ZNF343: variants seen among roughly 807,000 people sequenced by gnomAD.
The protein encoded by ZNF343 is zinc finger protein 343.
In ZNF343, 11 loss-of-function variants were observed where a neutral mutation model predicts 13.8. The ratio of observed to expected loss-of-function variants is 0.80; its 90% CI spans 0.50 to 1.32. The LOEUF is 1.32. Among genes scored for constraint, ZNF343 ranks in the 40% most tolerant of loss-of-function variants. The pLI is 0.00. For missense variants in ZNF343, 658 were observed against 714.2 expected, an observed-to-expected ratio of 0.92 and a Z score of 0.90; for synonymous variants, 248 against 260.0, an observed-to-expected ratio of 0.95 and a Z score of 0.44.
intron 5 of ZNF343, among the ~76,000 whole-genome samples, chr20:2,486,290 C>T (rs1186552120): frequency 6.6e-6 from 1 of 152,170 alleles, no homozygotes; most frequent in African/African-American, 2.4e-5. Context: ...ATTCTAATCC[C>T]TACGCCTTAC....
intron 5 of ZNF343, among the ~76,000 whole-genome samples, chr20:2,485,069 C>A (rs550804409): frequency 2.0e-5 from 3 of 152,078 alleles, no homozygotes; most frequent in Non-Finnish European, 4.4e-5. Context: ...CATAAAAAGT[C>A]CCTCATTCTG....
intron 5 of ZNF343, among the ~76,000 whole-genome samples, chr20:2,488,972 G>A (rs534675979): frequency 4.2e-4 from 64 of 152,280 alleles, no homozygotes; most frequent in Middle Eastern, 3.4e-3. Context: ...CTGAGCCCAG[G>A]AAGTCGAGGC....
chr20:2,522,759 G>C (rs1267765977), intron 1 of ZNF343, among the ~76,000 whole-genome samples: 2 of 152,200 alleles, frequency 1.3e-5, no homozygotes, highest in Non-Finnish European at 2.9e-5. Flanking sequence ...GACCAGCCTG[G>C]GCAACATGGC....
chr20:2,504,412 G>A (rs936201879), intron 1 of ZNF343, among the ~76,000 whole-genome samples: 1 of 152,078 alleles, frequency 6.6e-6, no homozygotes, highest in East Asian at 1.9e-4. Flanking sequence ...ACTATTCCAA[G>A]CAATAGAAAA....
chr20:2,509,868 A>G (rs577980207), upstream of ZNF343, among the ~76,000 whole-genome samples: 1 of 152,174 alleles, frequency 6.6e-6, no homozygotes, highest in Non-Finnish European at 1.5e-5. Flanking sequence ...ACGCCCTTGG[A>G]GTATTTCCAT....
intron 5 of ZNF343, among the ~76,000 whole-genome samples, chr20:2,492,312 T>G (rs1474107244): frequency 1.3e-5 from 2 of 152,146 alleles, no homozygotes; most frequent in African/African-American, 2.4e-5. Flanking sequence ...TGAAATGCTC[T>G]TACACTAGAT....
chr20:2,506,114 C>A (rs2085651374), intron 1 of ZNF343, among the ~76,000 whole-genome samples: 1 of 152,186 alleles, frequency 6.6e-6, no homozygotes, highest in South Asian at 2.1e-4. Context: ...AACAAACAAC[C>A]CCATCAGCAA....
intron 1 of ZNF343, among the ~76,000 whole-genome samples, chr20:2,522,806 C>T (rs540040475): frequency 1.7e-4 from 26 of 152,156 alleles, no homozygotes; most frequent in Non-Finnish European, 1.6e-4. Context: ...AAAAAATTAG[C>T]CAGGTGTAGT....
chr20:2,523,611 C>T (rs2085791793), intron 1 of ZNF343, among the ~76,000 whole-genome samples: 1 of 151,622 alleles, frequency 6.6e-6, no homozygotes. Context: ...GTTTGAGGAG[C>T]CAGAAGTTGA....
At chr20:2,486,215 C>A (rs912104858) in intron 5 of ZNF343, among the ~76,000 whole-genome samples, 7 of 152,136 alleles carry the variant, frequency 4.6e-5, no homozygotes, top group Non-Finnish European at 7.3e-5. Context: ...TTGTGTCAAA[C>A]ACTGGAACCA....
intron 2 of ZNF343, among the ~76,000 whole-genome samples, chr20:2,495,142 C>G (rs1275861760): frequency 6.6e-6 from 1 of 152,210 alleles, no homozygotes; most frequent in African/African-American, 2.4e-5. Flanking sequence ...TAATTCATCC[C>G]TCAACACCAT....
intron 2 of ZNF343, among the ~76,000 whole-genome samples, chr20:2,499,241 G>A (rs141607751): frequency 0.013 from 1,966 of 146,190 alleles, 12 homozygotes; most frequent in Non-Finnish European, 0.021. Context: ...CGAGGTGGGC[G>A]GATCACGAGG....
At chr20:2,501,626 C>T (rs927994765) in intron 1 of ZNF343, among the ~76,000 whole-genome samples, 5 of 152,202 alleles carry the variant, frequency 3.3e-5, no homozygotes, top group South Asian at 2.1e-4. Flanking sequence ...TCCAGAGGAA[C>T]GATCAGGCAG....
In ZNF343 at chr20:2,483,603, A is replaced by G; in HGVS notation, c.1358T>C (p.Ile453Thr). The change falls in exon 6 of 6, where the codon ATC becomes ACC. Residue 453 changes from isoleucine to threonine, a missense_variant. Ile to Thr is a moderately conservative substitution (Grantham distance 89). Transcript: ENST00000278772. The stretch of plus-strand genomic sequence containing the variant: ...TCCAGAGTGCGTCCGCTCGTGTATG[A>G]TGAGGGTTGACTTGTCACAAAAGCC... ...GRGFCDKSTL[I>T]IHERTHSGEK... 1 of 1,613,374 alleles carries G rather than the reference A, an allele frequency of 6.2e-7. No homozygotes were observed. Among genetic ancestry groups the G allele is most frequent in the Non-Finnish European group, 8.5e-7 (1 of 1,179,774 alleles).
Position 2,508,364 on chromosome 20 carries a change from G to A in ZNF343, c.-237+517C>T, listed in dbSNP as rs942297931. ...CCCCTAACCACCCCGGTCACCACTC[G>A]GGACATATCCAGCCCCACCCAAAAA... On this transcript the variant is annotated intron_variant, in intron 1 of 5. Coordinates refer to ENST00000278772, the MANE Select transcript of ZNF343 (RefSeq NM_024325.6). The surrounding 1 kb of genome is among the most constrained non-coding windows in gnomAD (Gnocchi z 4.5). Among the ~76,000 whole-genome samples, 1 of 151,366 alleles carries A rather than the reference G, an allele frequency of 6.6e-6. No homozygotes were observed. Among genetic ancestry groups the A allele is most frequent in the Non-Finnish European group, 1.5e-5 (1 of 67,938 alleles).
At chr20:2,500,926 C>T (rs762854668) in intron 1 of ZNF343, among the ~76,000 whole-genome samples, 184 bp from the exon 2 acceptor site, 3 of 152,116 alleles carry the variant, frequency 2.0e-5, no homozygotes, top group Non-Finnish European at 2.9e-5. Context: ...ACTGAGGTAC[C>T]GGGTTTATCT....
chr20:2,517,861 A>G (rs117153382), intron 1 of ZNF343, among the ~76,000 whole-genome samples: 2,316 of 152,174 alleles, frequency 0.015, 25 homozygotes, highest in Non-Finnish European at 0.021. Flanking sequence ...CTTTAATAAT[A>G]ATAATAATAA....
Position 2,493,581 on chromosome 20 carries a change from G to C in ZNF343, c.119-4C>G. 2 of 1,612,752 alleles carry C rather than the reference G, an allele frequency of 1.2e-6. No homozygotes were observed. Among genetic ancestry groups the C allele is most frequent in the African/African-American group, 1.3e-5 (1 of 74,830 alleles). On this transcript the variant is annotated splice_region_variant and splice_polypyrimidine_tract_variant and intron_variant, in intron 3 of 5. Coordinates refer to ENST00000278772, the MANE Select transcript of ZNF343 (RefSeq NM_024325.6). ...TCAGTATCATTAGAAGGCAAGCCTAGGGAAAGAAAAAGAAGCTATGAGAAA... is the reference window on the plus strand; with the variant it reads ...TCAGTATCATTAGAAGGCAAGCCTACGGAAAGAAAAAGAAGCTATGAGAAA...
intron 1 of ZNF343, among the ~76,000 whole-genome samples, chr20:2,523,132 C>T (rs1336516531): frequency 1.3e-5 from 2 of 152,204 alleles, no homozygotes; most frequent in Non-Finnish European, 2.9e-5. Flanking sequence ...GCTCATGATA[C>T]ACTAATTATA....
Sources: gnomAD v4.1 joint callset for allele counts (sites outside exome capture counted in the v4.1 genomes callset) on GRCh38, gnomAD v4.1.1 for gene constraint, Gnocchi (gnomAD v3.1) non-coding constraint, MANE v1.5 for transcripts, NCBI Gene and HGNC (gene_info 2026-07-23, HGNC 2026-07-21) for gene names.